Variants in MMP20 observed in about 807,000 individuals in gnomAD.
MMP20 encodes the protein matrix metallopeptidase 20.
Under a neutral mutation model 51.8 loss-of-function variants are expected in MMP20, and 50 were observed. The observed-to-expected ratio is 0.97, with a 90% CI of 0.77 to 1.22. The LOEUF (loss-of-function observed/expected upper bound fraction) is 1.22. Among genes scored for constraint, MMP20 ranks in the 50% most tolerant of loss-of-function variants. The pLI is 0.00. For synonymous variants in MMP20, 244 were observed against 216.2 expected, an observed-to-expected ratio of 1.13 and a Z score of -1.13; for missense variants, 663 against 601.4, an observed-to-expected ratio of 1.10 and a Z score of -1.07.
Position 102,606,633 on chromosome 11 carries a change from G to A in MMP20, c.855C>T (p.Ala285=), listed in dbSNP as rs768882792. 2.5e-6 allele frequency: 4 copies of A among 1,613,826 alleles called. No individual in the cohort carries two copies. In the African/African-American group the frequency reaches 5.3e-5, roughly 22 times the overall value. ...CAGGGATGGATGGCTTGTGATGGGG[G>A]GCATGGGGCAGAGTGGGCTTCCCCA... The part of the protein sequence containing the change: ...VFLGKPTLPH[A]PHHKPSIPDL... The change falls in exon 6 of 10, where the codon GCC becomes GCT. Residue 285 remains alanine, a synonymous_variant. Transcript: ENST00000260228.
chr11:102,579,721 G>A (rs752100053), intron 8 of MMP20, among the ~76,000 whole-genome samples: 26 of 152,098 alleles, frequency 1.7e-4, no homozygotes, highest in Admixed American at 1.1e-3. Flanking sequence ...GAAGTCACTT[G>A]CTTAAAGCAG....
chr11:102,599,750 A>T lies in MMP20; in HGVS notation c.954-4993T>A, dbSNP rs186840886. 3.3e-5 allele frequency among the ~76,000 whole-genome samples: 5 copies of T among 152,328 alleles called. No individual in the cohort carries two copies. In the East Asian group the frequency reaches 9.6e-4, roughly 29 times the overall value. On this transcript the variant is annotated intron_variant, in intron 6 of 9. Coordinates refer to ENST00000260228, the MANE Select transcript of MMP20 (RefSeq NM_004771.4). Reference sequence around the variant, plus strand: ...GCTGAGAAGCCATTCATTCTATGGGACTCATTAACCAGGGCTGCTTAGTTC... The same window carrying T: ...GCTGAGAAGCCATTCATTCTATGGGTCTCATTAACCAGGGCTGCTTAGTTC...
rs774083847 is a variant in MMP20 at position 102,609,997 on chromosome 11, C to T, written c.557G>A (p.Arg186Gln). The change falls in exon 4 of 10, where the codon CGG becomes CAG. Residue 186 changes from arginine (R) to glutamine (Q), a missense_variant. Arg to Gln is a conservative substitution (Grantham distance 43, BLOSUM62 1). Coordinates refer to ENST00000260228, the MANE Select transcript of MMP20 (RefSeq NM_004771.4). ...HGDSYPFDGP[R>Q]GTLAHAFAPG... ...AGCAAATGCATGGGCTAGAGTCCCC[C>T]GAGGCCCATCGAATGGATAGGAATC... The T allele has an allele frequency of 1.4e-5, 23 of 1,613,966 alleles. No individual in the cohort carries two copies. Among genetic ancestry groups the T allele is most frequent in the Admixed American group, 1.7e-5 (1 of 59,984 alleles).
chr11:102,577,286 G>T lies in MMP20; in HGVS notation c.*40C>A. On this transcript the variant is annotated 3_prime_UTR_variant, in exon 10 of 10. Coordinates refer to ENST00000260228, the MANE Select transcript of MMP20 (RefSeq NM_004771.4). ...CTTAAGATCCAGTTAGAGGCTGCTTGTAGTCATCCTCATTGCTTGAGAAGA... is the reference window on the plus strand; with the variant it reads ...CTTAAGATCCAGTTAGAGGCTGCTTTTAGTCATCCTCATTGCTTGAGAAGA... 7.4e-7 allele frequency: 1 copy of T among 1,350,632 alleles called. No individual in the cohort carries two copies. The highest frequency in any genetic ancestry group is 1.4e-5 in the African/African-American group (1 of 69,598). The allele number at this position is 1,350,632 out of a possible 1,614,324, so 83.7% of individuals were successfully genotyped here. A position where few individuals can be genotyped will look rare whatever the true frequency, so the allele number is the denominator to read the frequency against.
At chr11:102,609,760 C>G in intron 4 of MMP20, 145 bp downstream of exon 4, 2 of 1,084,928 alleles carry the variant, frequency 1.8e-6, no homozygotes, top group South Asian at 1.3e-5. Context: ...TTATGTGATC[C>G]CTTTTGGATT....
At chr11:102,588,103 G>T (rs914293579) in intron 8 of MMP20, among the ~76,000 whole-genome samples, 1 of 151,886 alleles carries the variant, frequency 6.6e-6, no homozygotes, top group African/African-American at 2.4e-5. Flanking sequence ...TTGTTTAACT[G>T]TATTTTCCTA....
chr11:102,590,893 C>A (rs1784445), intron 8 of MMP20, among the ~76,000 whole-genome samples: 1 of 151,956 alleles, frequency 6.6e-6, no homozygotes, highest in Non-Finnish European at 1.5e-5. Flanking sequence ...CACGAGAATG[C>A]AAGTATGTGT....
intron 5 of MMP20, chr11:102,607,568 G>C (rs181895381): frequency 6.6e-6 from 1 of 152,562 alleles, no homozygotes; most frequent in Non-Finnish European, 1.5e-5. Context: ...GCGAAGATCA[G>C]AGGCGGGGTG....
At chr11:102,624,529 A>AGAG (rs1859794339) in intron 1 of MMP20, among the ~76,000 whole-genome samples, 1 of 150,842 alleles carries the variant, frequency 6.6e-6, no homozygotes, top group Admixed American at 6.6e-5. Flanking sequence ...CAGCAGTCAT[A>AGAG]GAGGAGAGAT....
chr11:102,624,752 C>T (rs964815697), intron 1 of MMP20, among the ~76,000 whole-genome samples: 3 of 152,108 alleles, frequency 2.0e-5, no homozygotes, highest in Non-Finnish European at 4.4e-5. Context: ...ATATAAGAGC[C>T]ATTTAAAAAG....
At chr11:102,581,722 T>C (rs772145675) in intron 8 of MMP20, among the ~76,000 whole-genome samples, 2 of 152,162 alleles carry the variant, frequency 1.3e-5, no homozygotes, top group South Asian at 2.1e-4. Flanking sequence ...AGACACAATG[T>C]TCAATGAAAA....
intron 6 of MMP20, among the ~76,000 whole-genome samples, chr11:102,598,411 T>C (rs1272253935): frequency 1.3e-5 from 2 of 152,248 alleles, no homozygotes; most frequent in Non-Finnish European, 2.9e-5. Context: ...ATTGATATTT[T>C]AGATCTGCTG....
At chr11:102,593,832 G>C (rs1859347602) in intron 7 of MMP20, among the ~76,000 whole-genome samples, 1 of 152,158 alleles carries the variant, frequency 6.6e-6, no homozygotes, top group Non-Finnish European at 1.5e-5. Flanking sequence ...ATAAAATTGT[G>C]TTTTACATTT....
At chr11:102,601,790 G>A (rs1238566250) in intron 6 of MMP20, among the ~76,000 whole-genome samples, 1 of 152,124 alleles carries the variant, frequency 6.6e-6, no homozygotes, top group African/African-American at 2.4e-5. Context: ...CAGCCATGAG[G>A]CTTCTACCTG....
chr11:102,584,810 A>C (rs1241664974), intron 8 of MMP20, among the ~76,000 whole-genome samples: 1 of 152,094 alleles, frequency 6.6e-6, no homozygotes, highest in Non-Finnish European at 1.5e-5. Context: ...ATATGTTGAG[A>C]GGTTGGGGTC....
At chr11:102,610,934 CCAGA>C (rs1163959834) in intron 3 of MMP20, among the ~76,000 whole-genome samples, 3 of 152,032 alleles carry the variant, frequency 2.0e-5, no homozygotes, top group Non-Finnish European at 2.9e-5. Context: ...CAAGAGAGAG[CCAGA>C]CATTCATTCC....
At chr11:102,587,948 T>C (rs539123616) in intron 8 of MMP20, among the ~76,000 whole-genome samples, 1 of 152,170 alleles carries the variant, frequency 6.6e-6, no homozygotes, top group Non-Finnish European at 1.5e-5. Context: ...ACATTTAATG[T>C]TATTGATAAA....
At chr11:102,613,580 C>T (rs1042848363) in intron 2 of MMP20, among the ~76,000 whole-genome samples, 1 of 152,118 alleles carries the variant, frequency 6.6e-6, no homozygotes, top group Admixed American at 6.5e-5. Context: ...TGAAAGGTAT[C>T]TTAGGTTATT....
Position 102,577,405 on chromosome 11 carries a change from C to T in MMP20, c.1373G>A (p.Gly458Glu). The T allele has an allele frequency of 6.8e-6, 11 of 1,613,652 alleles. No homozygotes were observed. Among genetic ancestry groups the T allele is most frequent in the African/African-American group, 1.3e-5 (1 of 75,012 alleles). Residue 458 changes from glycine to glutamate, a missense_variant, in exon 10 of 10, where the codon GGA becomes GAA. Physicochemically the swap from Gly to Glu is moderately conservative, Grantham distance 98 (BLOSUM62 -2). Transcript: ENST00000260228. The stretch of plus-strand genomic sequence containing the variant: ...TGTGTCATACTTGTATGTTTTTGGT[C>T]CTGAAAAGAAGTAAATGTAGCCTAA... Reference protein sequence around the residue: ...ELNGYIYFFSGPKTYKYDTEK... With the variant: ...ELNGYIYFFSEPKTYKYDTEK...
Sources: allele counts gnomAD v4.1 joint callset (sites outside exome capture counted in the v4.1 genomes callset), GRCh38; gene constraint gnomAD v4.1.1; transcripts MANE v1.5; gene names NCBI Gene and HGNC (gene_info 2026-07-23, HGNC 2026-07-21).